The following PHIP variants were observed in gnomAD, a reference collection of about 807,000 sequenced individuals.
The protein encoded by PHIP is PHIP subunit of CUL4-Ring ligase complex.
In PHIP, 54 loss-of-function variants were observed where a neutral mutation model predicts 236.8. That is an observed-to-expected ratio of 0.23 (90% CI 0.18 to 0.29). The LOEUF (loss-of-function observed/expected upper bound fraction) is 0.29. Among genes scored for constraint, PHIP ranks in the 10% least tolerant of loss-of-function variants. The probability of loss-of-function intolerance (pLI) is 1.00; values close to 1 mark genes in which losing one functional copy is unlikely to be tolerated. For synonymous variants in PHIP, 756 were observed against 718.9 expected (o/e 1.05, Z -0.83); for missense variants, 1,370 against 2,190.8 (o/e 0.63, Z 7.48).
intron 16 of PHIP, 136 bp from the exon 17 acceptor site, chr6:79,002,260 A>G: frequency 1.7e-6 from 1 of 588,940 alleles, no homozygotes; most frequent in Non-Finnish European, 3.0e-6. Flanking sequence ...TTAAAATATT[A>G]TTTTCCTGAA....
chr6:78,950,408 T>C (rs1317988012), intron 35 of PHIP, among the ~76,000 whole-genome samples: 1 of 152,194 alleles, frequency 6.6e-6, no homozygotes, highest in African/African-American at 2.4e-5. Context: ...CTGGAAGAGA[T>C]TGTGTAGAAT....
intron 6 of PHIP, among the ~76,000 whole-genome samples, chr6:79,045,466 T>C (rs1443867428): frequency 1.3e-5 from 2 of 152,112 alleles, no homozygotes; most frequent in Non-Finnish European, 2.9e-5. Flanking sequence ...AGATCTTAAG[T>C]ACCTTAAAGA....
chr6:79,070,919 T>C (rs936874372), intron 4 of PHIP, among the ~76,000 whole-genome samples: 2 of 152,216 alleles, frequency 1.3e-5, no homozygotes, highest in African/African-American at 2.4e-5. Flanking sequence ...CACCCGCAGA[T>C]AAGGAAGGCC....
chr6:79,060,795 T>A lies in PHIP; in HGVS notation c.213A>T (p.Ala71=). 1 of 1,611,312 alleles carries A rather than the reference T, an allele frequency of 6.2e-7. No homozygotes were observed. Among genetic ancestry groups the A allele is most frequent in the Non-Finnish European group, 8.5e-7 (1 of 1,177,668 alleles). ...GACATATTTGCAGCAAGTGATCAGG[T>A]GCTAAGTGTCTGTAATACTTCACCT... ...QNLVKYYRHL[A]PDHLLQICHR... Residue 71 remains alanine, a synonymous_variant, in exon 5 of 40, where the codon GCA becomes GCT. Coordinates refer to ENST00000275034, the MANE Select transcript of PHIP (RefSeq NM_017934.7).
At chr6:79,035,113 T>C (rs1342240906) in intron 7 of PHIP, among the ~76,000 whole-genome samples, 1 of 152,150 alleles carries the variant, frequency 6.6e-6, no homozygotes, top group Non-Finnish European at 1.5e-5. Context: ...GGTATCATAA[T>C]GAGTTAACTG....
At chr6:79,028,930 C>G (rs1174438496) in intron 7 of PHIP, among the ~76,000 whole-genome samples, 1 of 152,098 alleles carries the variant, frequency 6.6e-6, no homozygotes, top group African/African-American at 2.4e-5. Flanking sequence ...ATGAAAGGAG[C>G]AATGGTAATC....
In PHIP at chr6:79,075,812, A is replaced by C. The variant is rs144659207; in HGVS notation, c.189+1636T>G. 6.3e-3 allele frequency among the ~76,000 whole-genome samples: 958 copies of C among 152,228 alleles called. 12 individuals are homozygous for C. Among genetic ancestry groups the C allele is most frequent in the African/African-American group, 0.022 (900 of 41,558 alleles). On this transcript the variant is annotated intron_variant, in intron 4 of 39. Coordinates refer to ENST00000275034, the MANE Select transcript of PHIP (RefSeq NM_017934.7). Reference sequence around the variant, plus strand: ...GTTTTTAAGAGATGCACAGATGTAAAAGCAGATGCAAAGACGAGTTTTGTA... The same window carrying C: ...GTTTTTAAGAGATGCACAGATGTAACAGCAGATGCAAAGACGAGTTTTGTA...
Position 79,046,962 on chromosome 6 carries a change from A to T in PHIP, c.440-3959T>A, listed in dbSNP as rs141871293. Among the ~76,000 whole-genome samples, 11 of 152,186 alleles carry T rather than the reference A, an allele frequency of 7.2e-5. No homozygotes were observed. The East Asian group carries it at 2.1e-3, about 29-fold the overall frequency. On this transcript the variant is annotated intron_variant, in intron 6 of 39. Transcript: ENST00000275034. ...AGATTAAAATATTCAAAATATCTCT[A>T]AATAGTGCTTCATTTTAACTGCCCT... is the stretch of plus-strand genomic sequence containing the variant.
chr6:78,985,241 C>A, intron 22 of PHIP, 111 bp downstream of exon 22: 1 of 681,692 alleles, frequency 1.5e-6, no homozygotes. Context: ...CAAAAACTCT[C>A]TGAAGAACTT....
At chr6:78,984,640 T>C (rs1287227206) in intron 22 of PHIP, among the ~76,000 whole-genome samples, 1 of 152,172 alleles carries the variant, frequency 6.6e-6, no homozygotes, top group Non-Finnish European at 1.5e-5. Context: ...TACAGAAAAC[T>C]ACTAGATATA....
chr6:78,946,077 A>G lies in PHIP; in HGVS notation c.4554T>C (p.Thr1518=). The change falls in exon 38 of 40, where the codon ACT becomes ACC. Residue 1518 remains threonine (T), a synonymous_variant. Transcript: ENST00000275034. Reference sequence around the variant, plus strand: ...CAGCTGAAGAAGTAGATGGTTGCTCAGTGACAACTGGATCTACAACCACTC... The same window carrying G: ...CAGCTGAAGAAGTAGATGGTTGCTCGGTGACAACTGGATCTACAACCACTC... ...SNRVVVDPVV[T]EQPSTSSAAK... is the part of the protein sequence containing the mutation. The G allele has an allele frequency of 6.2e-7, 1 of 1,612,998 alleles. No homozygotes were observed. The highest frequency in any genetic ancestry group is 1.7e-4 in the Middle Eastern group (1 of 6,058).
chr6:79,077,652 G>A (rs904419434), intron 3 of PHIP, 48 bp downstream of exon 3: 5 of 943,656 alleles, frequency 5.3e-6, no homozygotes, highest in Non-Finnish European at 6.3e-6. Flanking sequence ...CAGCGGCCCA[G>A]AGGCGGCCGC....
intron 7 of PHIP, among the ~76,000 whole-genome samples, chr6:79,029,871 T>A (rs1771586072): frequency 6.6e-6 from 1 of 152,126 alleles, no homozygotes; most frequent in African/African-American, 2.4e-5. Flanking sequence ...ATGATTATTT[T>A]AAAAAAGACC....
At chr6:79,049,166 G>T (rs1162397749) in intron 6 of PHIP, among the ~76,000 whole-genome samples, 2 of 151,814 alleles carry the variant, frequency 1.3e-5, no homozygotes, top group Non-Finnish European at 2.9e-5. Flanking sequence ...GGGTTCAAGC[G>T]ATTCTCATGC....
In PHIP at chr6:78,990,730, C is replaced by T. The variant is rs138190548; in HGVS notation, c.2319+138G>A. On this transcript the variant is annotated intron_variant, in intron 20 of 39. Transcript: ENST00000275034. Reference sequence around the variant, plus strand: ...TTTAAATAGTAAACAATAGATAATCCAGAGATAACCAAGATTTACTATGTT... The same window carrying T: ...TTTAAATAGTAAACAATAGATAATCTAGAGATAACCAAGATTTACTATGTT... 2.4e-4 allele frequency: 116 copies of T among 483,710 alleles called. 3 individuals are homozygous for T. The highest frequency in any genetic ancestry group is 2.2e-3 in the African/African-American group (109 of 49,660). 30.0% of individuals were successfully genotyped at this position (483,710 alleles called of 1,614,324 possible).
intron 6 of PHIP, among the ~76,000 whole-genome samples, chr6:79,053,509 T>C (rs1412213366): frequency 6.6e-6 from 1 of 152,188 alleles, no homozygotes. Flanking sequence ...TTTAAAAGAC[T>C]TTTGTTGGAG....
At chr6:79,004,795 A>T (rs938455270) in intron 15 of PHIP, among the ~76,000 whole-genome samples, 6 of 152,120 alleles carry the variant, frequency 3.9e-5, no homozygotes, top group African/African-American at 1.4e-4. Flanking sequence ...GGAAAAGAGA[A>T]AGGTAGTAAC....
At chr6:78,985,111 A>G (rs925332783) in intron 22 of PHIP, among the ~76,000 whole-genome samples, 1 of 152,156 alleles carries the variant, frequency 6.6e-6, no homozygotes, top group Non-Finnish European at 1.5e-5. Flanking sequence ...AACGGTATTC[A>G]GAAGAAACAA....
At chr6:79,010,793 G>A (rs1330985639) in intron 15 of PHIP, among the ~76,000 whole-genome samples, 1 of 151,760 alleles carries the variant, frequency 6.6e-6, no homozygotes, top group African/African-American at 2.4e-5. Context: ...TATTCAAATG[G>A]CCTAGTACTA....
Sources: allele counts gnomAD v4.1 joint callset (sites outside exome capture counted in the v4.1 genomes callset), GRCh38; gene constraint gnomAD v4.1.1; transcripts MANE v1.5; gene names NCBI Gene and HGNC (gene_info 2026-07-23, HGNC 2026-07-21).